The following MIR2052HG variants were observed in gnomAD, a reference collection of about 807,000 sequenced individuals.
MIR2052HG encodes the protein MIR2052 host gene.
chr8:74,712,575 C>A (rs1809480444), intron 4 of MIR2052HG, among the ~76,000 whole-genome samples: 1 of 152,130 alleles, frequency 6.6e-6, no homozygotes, highest in Non-Finnish European at 1.5e-5. Context: ...ATCAAATAGC[C>A]TATAAGCAGT....
At chr8:74,711,692 A>C (rs1051070061) in intron 4 of MIR2052HG, among the ~76,000 whole-genome samples, 4 of 152,222 alleles carry the variant, frequency 2.6e-5, no homozygotes, top group Non-Finnish European at 2.9e-5. Flanking sequence ...AAACCATGTT[A>C]ATTTCCCTTT....
chr8:74,645,581 G>A (rs563761100), intron 2 of MIR2052HG, among the ~76,000 whole-genome samples: 3 of 152,292 alleles, frequency 2.0e-5, no homozygotes, highest in Admixed American at 6.5e-5. Flanking sequence ...CACTGCGCCC[G>A]GCCTAGAAGA....
At chr8:74,656,605 T>A (rs891672650) in intron 2 of MIR2052HG, among the ~76,000 whole-genome samples, 1 of 152,150 alleles carries the variant, frequency 6.6e-6, no homozygotes, top group African/African-American at 2.4e-5. Context: ...GTAAGTCCAA[T>A]TAAACCATTT....
intron 1 of MIR2052HG, chr8:74,609,835 C>T (rs1034639594): frequency 4.6e-5 from 7 of 150,940 alleles, no homozygotes; most frequent in African/African-American, 7.3e-5. Context: ...ATGTGAAAAA[C>T]CTACAGACAA....
intron 4 of MIR2052HG, among the ~76,000 whole-genome samples, chr8:74,742,342 T>A (rs925634222): frequency 6.6e-6 from 1 of 152,232 alleles, no homozygotes; most frequent in Non-Finnish European, 1.5e-5. Flanking sequence ...CTCTTCACAA[T>A]AGCTTACCTA....
intron 2 of MIR2052HG, among the ~76,000 whole-genome samples, chr8:74,635,112 C>G (rs1808566253): frequency 1.3e-5 from 2 of 151,974 alleles, no homozygotes; most frequent in South Asian, 4.2e-4. Flanking sequence ...GAACAGCATA[C>G]CAAAAGGGTA....
At chr8:74,705,906 T>A (rs1809406094) in intron 4 of MIR2052HG, among the ~76,000 whole-genome samples, 1 of 151,800 alleles carries the variant, frequency 6.6e-6, no homozygotes, top group Non-Finnish European at 1.5e-5. Context: ...GGAAAAAAAA[T>A]ATCATATGCT....
chr8:74,670,284 T>TTATTAAAAAA (rs59609164), intron 2 of MIR2052HG, among the ~76,000 whole-genome samples: 12 of 152,112 alleles, frequency 7.9e-5, no homozygotes, highest in African/African-American at 2.9e-4. Flanking sequence ...TTAACAAAAA[T>TTATTAAAAAA]ATATTAACTG....
intron 4 of MIR2052HG, among the ~76,000 whole-genome samples, chr8:74,745,867 T>C (rs758103360): frequency 1.3e-5 from 2 of 152,208 alleles, no homozygotes; most frequent in Non-Finnish European, 2.9e-5. Flanking sequence ...AGGATGACCA[T>C]GTGCCAAGCA....
In MIR2052HG at chr8:74,604,024, AT is replaced by A. The variant is rs1040016867; in HGVS notation, n.128+4117del. ...GTCCTCTTCCAGTTTGTCAATGATC[AT>A]AGCAAAGCCTTTGAAGACGGCATTA... On this transcript the variant is annotated intron_variant and non_coding_transcript_variant, in intron 1 of 6. Transcript: ENST00000523442. The A allele has an allele frequency of 3.1e-5, 30 of 970,550 alleles. No homozygotes were observed. The African/African-American group carries it at 4.4e-4, about 14-fold the overall frequency. 60.1% of individuals were successfully genotyped at this position (970,550 alleles called of 1,614,324 possible).
At chr8:74,602,871 T>TTC (rs1204479242) in intron 1 of MIR2052HG, among the ~76,000 whole-genome samples, 1 of 149,202 alleles carries the variant, frequency 6.7e-6, no homozygotes, top group Non-Finnish European at 1.5e-5. Flanking sequence ...CTTTCTTTCT[T>TTC]TCTTTTTTCT....
intron 2 of MIR2052HG, among the ~76,000 whole-genome samples, chr8:74,628,040 C>A (rs1271652664): frequency 1.3e-5 from 2 of 152,116 alleles, no homozygotes; most frequent in South Asian, 4.1e-4. Flanking sequence ...GACTTTGGTG[C>A]ACTGATGCCT....
intron 1 of MIR2052HG, chr8:74,603,189 T>C (rs1445054449): frequency 1.1e-6 from 1 of 913,486 alleles, no homozygotes. Flanking sequence ...ATTTACAAAC[T>C]ATTTAAAACC....
At chr8:74,632,383 T>A (rs1033505922) in intron 2 of MIR2052HG, 1 of 152,164 alleles carries the variant, frequency 6.6e-6, no homozygotes, top group Admixed American at 6.5e-5. Flanking sequence ...TATCCTATAG[T>A]GGCCCCGCAG....
intron 4 of MIR2052HG, among the ~76,000 whole-genome samples, chr8:74,712,597 T>G (rs1257039103): frequency 6.6e-6 from 1 of 152,198 alleles, no homozygotes; most frequent in Non-Finnish European, 1.5e-5. Context: ...GATCAGGGAT[T>G]AGAATTCAGT....
At chr8:74,731,358 T>A (rs1338668303) in intron 4 of MIR2052HG, among the ~76,000 whole-genome samples, 2 of 152,188 alleles carry the variant, frequency 1.3e-5, no homozygotes, top group East Asian at 3.9e-4. Flanking sequence ...AGTTTGTCAT[T>A]GCAAGGATAG....
At chr8:74,751,916 A>G (rs933112608) in intron 4 of MIR2052HG, among the ~76,000 whole-genome samples, 1 of 152,212 alleles carries the variant, frequency 6.6e-6, no homozygotes, top group Non-Finnish European at 1.5e-5. Flanking sequence ...ATGTTCTGTA[A>G]TTAATACCTT....
intron 2 of MIR2052HG, among the ~76,000 whole-genome samples, chr8:74,640,433 T>C (rs1397122210): frequency 7.3e-6 from 1 of 136,216 alleles, no homozygotes; most frequent in African/African-American, 2.8e-5. Flanking sequence ...ATTGCACCAC[T>C]GCACTCCAGC....
intron 2 of MIR2052HG, among the ~76,000 whole-genome samples, chr8:74,613,301 A>G (rs2128731605): frequency 6.6e-6 from 1 of 152,336 alleles, no homozygotes; most frequent in East Asian, 1.9e-4. Context: ...GGTAAGGCAT[A>G]CAATGATGAT....
Sources: gnomAD v4.1 joint callset for allele counts (sites outside exome capture counted in the v4.1 genomes callset) on GRCh38, gnomAD v4.1.1 for gene constraint, MANE v1.5 for transcripts, NCBI Gene and HGNC (gene_info 2026-07-23, HGNC 2026-07-21) for gene names.